The following MBNL1 variants were observed in gnomAD, a reference collection of about 807,000 sequenced individuals.
MBNL1 encodes muscleblind like splicing regulator 1.
In MBNL1, 8 loss-of-function variants were observed where a neutral mutation model predicts 42.2. The ratio of observed to expected loss-of-function variants is 0.19; its 90% CI spans 0.11 to 0.34. The LOEUF (loss-of-function observed/expected upper bound fraction) is 0.34, where lower values mean the gene tolerates loss of function less well. MBNL1 is among the 10% of genes least tolerant of loss of function. MBNL1 has a pLI of 1.00. For synonymous variants in MBNL1, 169 were observed against 173.9 expected (o/e 0.97, Z 0.22); for missense variants, 309 against 495.3 (o/e 0.62, Z 3.57).
At chr3:152,260,745 C>G (rs2036114862) in intron 2 of MBNL1, among the ~76,000 whole-genome samples, 1 of 152,160 alleles carries the variant, frequency 6.6e-6, no homozygotes, top group Non-Finnish European at 1.5e-5. Flanking sequence ...GATCTTAACT[C>G]TTTGTCTTAT....
intron 2 of MBNL1, among the ~76,000 whole-genome samples, chr3:152,254,231 T>A (rs146002234): frequency 3.3e-5 from 5 of 152,284 alleles, no homozygotes; most frequent in East Asian, 1.9e-4. Context: ...CAAAAAGTGG[T>A]CCTTGGAGAC....
chr3:152,268,500 G>A (rs1323216192), upstream of MBNL1: 17 of 331,616 alleles, frequency 5.1e-5, no homozygotes, highest in South Asian at 3.5e-4. Context: ...CCGGTGCAAG[G>A]GCCTCTTTCA....
intron 2 of MBNL1, among the ~76,000 whole-genome samples, chr3:152,311,993 A>G (rs1489667512): frequency 6.6e-6 from 1 of 151,938 alleles, no homozygotes; most frequent in East Asian, 1.9e-4. Context: ...GATCGAGACC[A>G]TCCCGGCTAA....
chr3:152,455,351 C>T (rs1731486842), intron 6 of MBNL1, among the ~76,000 whole-genome samples, 191 bp from the exon 7 acceptor site: 2 of 152,198 alleles, frequency 1.3e-5, no homozygotes, highest in Admixed American at 1.3e-4. Context: ...TTATTCTTCA[C>T]TTGAGACTAG....
intron 2 of MBNL1, among the ~76,000 whole-genome samples, chr3:152,406,591 A>G (rs2098435515): frequency 6.6e-6 from 1 of 152,120 alleles, no homozygotes; most frequent in African/African-American, 2.4e-5. Context: ...AGTTTCAGTT[A>G]TGCCATTTTC....
At position 152,299,398 on chromosome 3, in the gene MBNL1, TC is replaced by T; in HGVS notation, c.-789-6del. 3.4e-6 allele frequency: 1 copy of T among 293,326 alleles called. No homozygotes were observed. Among genetic ancestry groups the T allele is most frequent in the Non-Finnish European group, 6.3e-6 (1 of 159,924 alleles). The allele number at this position is 293,326 out of a possible 1,614,324, so 18.2% of individuals were successfully genotyped here. On this transcript the variant is annotated splice_region_variant and splice_polypyrimidine_tract_variant and intron_variant, in intron 1 of 9. Coordinates refer to ENST00000324210, the MANE Select transcript of MBNL1 (RefSeq NM_021038.5). ...AGTAAATCTTAACCTATCTCTTTTT[TC>T]TACAGGTTGGTACTAAGAAGTGCCT...
intron 2 of MBNL1, among the ~76,000 whole-genome samples, chr3:152,316,045 A>G (rs1431685868): frequency 1.3e-5 from 2 of 152,202 alleles, no homozygotes; most frequent in East Asian, 3.8e-4. Context: ...TGTGGCCCCA[A>G]GGGTTTGCTT....
intron 4 of MBNL1, among the ~76,000 whole-genome samples, chr3:152,433,954 A>G (rs1373942985): frequency 6.6e-6 from 1 of 152,208 alleles, no homozygotes; most frequent in Non-Finnish European, 1.5e-5. Context: ...ACAGCATCAA[A>G]TGTACACTGA....
At chr3:152,419,733 T>C (rs1325146668) in intron 3 of MBNL1, among the ~76,000 whole-genome samples, 2 of 151,858 alleles carry the variant, frequency 1.3e-5, no homozygotes, top group Non-Finnish European at 2.9e-5. Context: ...TTTCATACTC[T>C]AGTGGCTCCT....
chr3:152,289,567 A>G (rs34436273), intron 1 of MBNL1, among the ~76,000 whole-genome samples: 19,917 of 141,378 alleles, frequency 0.14, 1,718 homozygotes, highest in Non-Finnish European at 0.21. Context: ...GTTTGTGAGC[A>G]TATGTGAATT....
At chr3:152,339,313 G>A (rs935554536) in intron 2 of MBNL1, among the ~76,000 whole-genome samples, 2 of 152,044 alleles carry the variant, frequency 1.3e-5, no homozygotes, top group African/African-American at 4.8e-5. Flanking sequence ...ACTACATATG[G>A]ATATAAATAA....
rs906211994 is a variant in MBNL1 at position 152,465,270 on chromosome 3, G to A, written c.*2904G>A. ...CAGATCAGTTTCTGCCAATTTCAGT[G>A]GTTTATTGTTCACAAAAAAATCTTC... On this transcript the variant is annotated 3_prime_UTR_variant, in exon 10 of 10. Coordinates refer to ENST00000324210, the MANE Select transcript of MBNL1 (RefSeq NM_021038.5). 2 of 152,062 alleles carry A rather than the reference G, an allele frequency of 1.3e-5. No individual in the cohort carries two copies. Among genetic ancestry groups the A allele is most frequent in the African/African-American group, 4.8e-5 (2 of 41,406 alleles). 9.4% of individuals were successfully genotyped at this position (152,062 alleles called of 1,614,324 possible). A position where few individuals can be genotyped will look rare whatever the true frequency, so the allele number is the denominator to read the frequency against.
In MBNL1 at chr3:152,457,986, C is replaced by G. The variant is rs948055520; in HGVS notation, c.1093-1285C>G. 1.6e-6 allele frequency: 1 copy of G among 619,992 alleles called. No homozygotes were observed. Among genetic ancestry groups the G allele is most frequent in the African/African-American group, 1.9e-5 (1 of 53,934 alleles). The allele number at this position is 619,992 out of a possible 1,614,324, so 38.4% of individuals were successfully genotyped here. ...CACACATATATTATATCTACATATA[C>G]ATACATATGTATATGCCTACAGTAC... On this transcript the variant is annotated intron_variant, in intron 8 of 9. Transcript: ENST00000324210.
At chr3:152,340,637 A>G in intron 2 of MBNL1, 2 of 1,614,050 alleles carry the variant, frequency 1.2e-6, no homozygotes, top group Non-Finnish European at 1.7e-6. Context: ...CTAAACCCAC[A>G]AGCGTAAATG....
chr3:152,379,535 T>A (rs925008722), intron 2 of MBNL1, among the ~76,000 whole-genome samples: 3 of 152,218 alleles, frequency 2.0e-5, no homozygotes, highest in South Asian at 2.1e-4. Context: ...CACTTCTGTT[T>A]ATGCATTTCA....
rs913716290 is a variant in MBNL1 at position 152,281,459 on chromosome 3, CT to C, written c.-790+12368del. Among the ~76,000 whole-genome samples the C allele has an allele frequency of 2.0e-5, 3 of 151,972 alleles. No homozygotes were observed. In the South Asian group the frequency reaches 6.2e-4, roughly 32 times the overall value. On this transcript the variant is annotated intron_variant, in intron 1 of 9. Transcript: ENST00000324210. ...AGCATTATGGTCATGAAAGAGCAGA[CT>C]ATGGAATGGACTTTGAAGTTTCACT... is the stretch of plus-strand genomic sequence containing the variant.
chr3:152,392,182 A>C (rs1173804675), intron 2 of MBNL1, among the ~76,000 whole-genome samples: 1 of 152,186 alleles, frequency 6.6e-6, no homozygotes, highest in Admixed American at 6.5e-5. Flanking sequence ...ACATGAACAG[A>C]AATCTCCGCA....
intron 9 of MBNL1, among the ~76,000 whole-genome samples, chr3:152,459,605 G>T (rs1395651995): frequency 6.6e-6 from 1 of 152,080 alleles, no homozygotes; most frequent in East Asian, 1.9e-4. Flanking sequence ...GAAAATGTAT[G>T]ACCAAAAAGT....
At chr3:152,397,128 C>T (rs542760183) in intron 2 of MBNL1, among the ~76,000 whole-genome samples, 28 of 152,082 alleles carry the variant, frequency 1.8e-4, no homozygotes, top group African/African-American at 6.5e-4. Context: ...TGAAAGTTTC[C>T]CCAGCTTAAA....
Sources: allele counts gnomAD v4.1 joint callset (sites outside exome capture counted in the v4.1 genomes callset), GRCh38; gene constraint gnomAD v4.1.1; transcripts MANE v1.5; gene names NCBI Gene and HGNC (gene_info 2026-07-23, HGNC 2026-07-21).